Variants in KIRREL3 observed in about 807,000 individuals in gnomAD.
The protein encoded by KIRREL3 is kin of IRRE-like protein 3.
A neutral mutation model predicts 89.7 loss-of-function variants in KIRREL3; 36 were observed. The ratio of observed to expected loss-of-function variants is 0.40; its 90% confidence interval spans 0.31 to 0.53. The LOEUF is 0.53. KIRREL3 is among the 20% of genes least tolerant of loss of function. The pLI is 0.49. For missense variants in KIRREL3, 864 were observed against 1,056.6 expected (o/e 0.82, Z 2.53); for synonymous variants, 445 against 441.4 (o/e 1.01, Z -0.10).
At chr11:126,828,732 C>T (rs540414153) in intron 1 of KIRREL3, among the ~76,000 whole-genome samples, 6 of 152,178 alleles carry the variant, frequency 3.9e-5, no homozygotes, top group Non-Finnish European at 4.4e-5. Context: ...ACTGCACAAC[C>T]TTTAAAAGTG....
At chr11:126,732,145 A>T (rs1359782462) in intron 1 of KIRREL3, among the ~76,000 whole-genome samples, 1 of 152,224 alleles carries the variant, frequency 6.6e-6, no homozygotes, top group African/African-American at 2.4e-5. Context: ...TTTGGAGACT[A>T]AGGATTCCTA....
At chr11:126,971,810 T>G (rs1160331409) in intron 1 of KIRREL3, among the ~76,000 whole-genome samples, 1 of 152,202 alleles carries the variant, frequency 6.6e-6, no homozygotes, top group Non-Finnish European at 1.5e-5. Flanking sequence ...TTGATTCACT[T>G]GCATTGATTT....
intron 1 of KIRREL3, among the ~76,000 whole-genome samples, chr11:126,836,855 C>G (rs1943798659): frequency 6.6e-6 from 1 of 152,174 alleles, no homozygotes; most frequent in Admixed American, 6.5e-5. Context: ...GTTCGCATGA[C>G]ATCCTGTGCC....
At position 126,769,906 on chromosome 11, in the gene KIRREL3, G is replaced by A. The variant is rs953265565; in HGVS notation, c.56-206994C>T. ...AAGGTAATAACACATACCCAGGGGG[G>A]TTGGCTTGGCGGAGTGTTGGGCACA... On this transcript the variant is annotated intron_variant, in intron 1 of 16. Transcript: ENST00000525144. The surrounding 1 kb of genome is among the most constrained non-coding windows in gnomAD (Gnocchi z 4.3). 6.6e-6 allele frequency among the ~76,000 whole-genome samples: 1 copy of A among 152,190 alleles called. No individual in the cohort carries two copies. The highest frequency in any genetic ancestry group is 1.5e-5 in the Non-Finnish European group (1 of 68,040).
At chr11:126,436,552 C>T (rs1400088330) in intron 12 of KIRREL3, among the ~76,000 whole-genome samples, 2 of 152,268 alleles carry the variant, frequency 1.3e-5, no homozygotes, top group East Asian at 3.9e-4. Context: ...CCCACTGAAG[C>T]ATCGCCCTCA....
At position 126,516,831 on chromosome 11, in the gene KIRREL3, G is replaced by T. The variant is rs958948520; in HGVS notation, c.433+4484C>A. On this transcript the variant is annotated intron_variant, in intron 4 of 16. Coordinates refer to ENST00000525144, the MANE Select transcript of KIRREL3 (RefSeq NM_032531.4). This position sits in a 1 kb window ranked among gnomAD's most constrained non-coding sequence, Gnocchi z 4.9. ...TTAAAATACAGGCGGGGTGGCTCAC[G>T]CTTGTAATCCCAGCACTTTGGGAGG... Among the ~76,000 whole-genome samples, 3 of 152,276 alleles carry T rather than the reference G, an allele frequency of 2.0e-5. No individual in the cohort carries two copies. Among genetic ancestry groups the T allele is most frequent in the Non-Finnish European group, 2.9e-5 (2 of 68,010 alleles).
chr11:126,805,393 C>T lies in KIRREL3; in HGVS notation c.55+195062G>A, dbSNP rs1690025173. Among the ~76,000 whole-genome samples the T allele has an allele frequency of 6.6e-6, 1 of 152,122 alleles. No individual in the cohort carries two copies. Among genetic ancestry groups the T allele is most frequent in the Admixed American group, 6.5e-5 (1 of 15,286 alleles). ...TGGAGGAGATTTAATTACTCAGATG[C>T]TCTTATGCTCCTCAAAGGTCCTAGT... On this transcript the variant is annotated intron_variant, in intron 1 of 16. Transcript: ENST00000525144. The surrounding 1 kb of genome is among the most constrained non-coding windows in gnomAD (Gnocchi z 4.3).
chr11:126,840,453 A>C (rs1349207919), intron 1 of KIRREL3, among the ~76,000 whole-genome samples: 1 of 152,282 alleles, frequency 6.6e-6, no homozygotes, highest in Admixed American at 6.5e-5. Flanking sequence ...TTGGGGATGG[A>C]GTTAGAAAAT....
chr11:126,777,658 G>A (rs1950207193), intron 1 of KIRREL3, among the ~76,000 whole-genome samples: 1 of 152,142 alleles, frequency 6.6e-6, no homozygotes, highest in Non-Finnish European at 1.5e-5. Flanking sequence ...CCACCTACAG[G>A]ATAAAATCAG....
At chr11:126,728,662 A>G (rs1444544341) in intron 1 of KIRREL3, among the ~76,000 whole-genome samples, 1 of 152,104 alleles carries the variant, frequency 6.6e-6, no homozygotes, top group African/African-American at 2.4e-5. Flanking sequence ...CTCTTTGTAT[A>G]GGGAGGGGAA....
In KIRREL3 at chr11:126,589,130, G is replaced by A. The variant is rs143293856; in HGVS notation, c.56-26218C>T. Among the ~76,000 whole-genome samples, 48 of 152,332 alleles carry A rather than the reference G, an allele frequency of 3.2e-4. No homozygotes were observed. In the East Asian group the frequency reaches 5.6e-3, roughly 18 times the overall value. ...GAGCAATTACTGCTGCCCTGGAGCCGCTGCCTCTCCAGGTGTCTGCCTCCT... is the reference window on the plus strand; with the variant it reads ...GAGCAATTACTGCTGCCCTGGAGCCACTGCCTCTCCAGGTGTCTGCCTCCT... On this transcript the variant is annotated intron_variant, in intron 1 of 16. Transcript: ENST00000525144.
intron 1 of KIRREL3, among the ~76,000 whole-genome samples, chr11:126,626,083 G>T (rs984250647): frequency 6.6e-6 from 1 of 152,206 alleles, no homozygotes; most frequent in Non-Finnish European, 1.5e-5. Context: ...ACCCTGCTGG[G>T]GTAGGGACTA....
At chr11:126,695,713 C>G (rs1366306213) in intron 1 of KIRREL3, among the ~76,000 whole-genome samples, 2 of 152,140 alleles carry the variant, frequency 1.3e-5, no homozygotes, top group Non-Finnish European at 2.9e-5. Flanking sequence ...GGGGGCTCTG[C>G]TGCATTGCAA....
chr11:126,974,076 C>T (rs999625686), intron 1 of KIRREL3, among the ~76,000 whole-genome samples: 1 of 152,084 alleles, frequency 6.6e-6, no homozygotes, highest in Non-Finnish European at 1.5e-5. Context: ...ACTCATTGCA[C>T]GTTAGGGGTT....
intron 1 of KIRREL3, among the ~76,000 whole-genome samples, chr11:126,922,763 T>C (rs1002077111): frequency 6.6e-6 from 1 of 152,088 alleles, no homozygotes; most frequent in Admixed American, 6.5e-5. Context: ...CACTCCACTT[T>C]CCTCTGCAGC....
chr11:126,894,995 G>A (rs1441559399), intron 1 of KIRREL3, among the ~76,000 whole-genome samples: 1 of 152,082 alleles, frequency 6.6e-6, no homozygotes, highest in Non-Finnish European at 1.5e-5. Flanking sequence ...ATCCTCTCTG[G>A]GGATTTTCAA....
At position 126,685,700 on chromosome 11, in the gene KIRREL3, G is replaced by A. The variant is rs796757391; in HGVS notation, c.56-122788C>T. Among the ~76,000 whole-genome samples the A allele has an allele frequency of 6.6e-5, 10 of 152,334 alleles. No individual in the cohort carries two copies. Among genetic ancestry groups the A allele is most frequent in the East Asian group, 1.9e-4 (1 of 5,188 alleles). On this transcript the variant is annotated intron_variant, in intron 1 of 16. Coordinates refer to ENST00000525144, the MANE Select transcript of KIRREL3 (RefSeq NM_032531.4). The surrounding 1 kb of genome is among the most constrained non-coding windows in gnomAD (Gnocchi z 5.5). The stretch of plus-strand genomic sequence containing the variant: ...CTGAGTTAAAGTGCTGTGACACGTC[G>A]TTTCCATCTCATTTTGAGATCTTGC...
At position 126,522,080 on chromosome 11, in the gene KIRREL3, C is replaced by T. The variant is rs898754690; in HGVS notation, c.284-616G>A. Reference sequence around the variant, plus strand: ...TTGTTGGTTTCAAGTTTAGGAAAATCGGAGGAGCCACTGTTAGAAAGGAAA... The same window carrying T: ...TTGTTGGTTTCAAGTTTAGGAAAATTGGAGGAGCCACTGTTAGAAAGGAAA... On this transcript the variant is annotated intron_variant, in intron 3 of 16. Coordinates refer to ENST00000525144, the MANE Select transcript of KIRREL3 (RefSeq NM_032531.4). The surrounding 1 kb of genome is among the most constrained non-coding windows in gnomAD (Gnocchi z 6.0). Among the ~76,000 whole-genome samples the T allele has an allele frequency of 6.6e-6, 1 of 151,946 alleles. No homozygotes were observed. The highest frequency in any genetic ancestry group is 2.4e-5 in the African/African-American group (1 of 41,376).
At chr11:126,757,476 G>A (rs1275738070) in intron 1 of KIRREL3, among the ~76,000 whole-genome samples, 1 of 152,086 alleles carries the variant, frequency 6.6e-6, no homozygotes, top group Non-Finnish European at 1.5e-5. Context: ...TATTTCAAGG[G>A]CCCAGGAAAG....
Sources: allele counts gnomAD v4.1 joint callset (sites outside exome capture counted in the v4.1 genomes callset), GRCh38; gene constraint gnomAD v4.1.1; non-coding constraint Gnocchi (gnomAD v3.1); transcripts MANE v1.5; gene names NCBI Gene and HGNC (gene_info 2026-07-23, HGNC 2026-07-21).